The following BRCA2 variants were observed in gnomAD, a reference collection of about 807,000 sequenced individuals.
The protein encoded by BRCA2 is BRCA2 DNA repair associated.
BRCA2 carries 203 observed loss-of-function variants against 276.7 expected under a neutral mutation model. The observed-to-expected ratio is 0.73, with a 90% CI of 0.65 to 0.82. The LOEUF (loss-of-function observed/expected upper bound fraction) is 0.82, where lower values mean the gene tolerates loss of function less well. Ranked by LOEUF, BRCA2 falls within the 40% of genes least tolerant of loss-of-function variation. The pLI is 0.00. For missense variants in BRCA2, 3,920 were observed against 3,915.0 expected (o/e 1.00, Z -0.03); for synonymous variants, 1,289 against 1,338.4 (o/e 0.96, Z 0.81).
intron 11 of BRCA2, among the ~76,000 whole-genome samples, chr13:32,342,756 T>A (rs1018067496): frequency 1.3e-5 from 2 of 152,250 alleles, no homozygotes; most frequent in Admixed American, 1.3e-4. Flanking sequence ...GGTATTAAAA[T>A]CTTATGGGGC....
chr13:32,331,116 A>T (rs2137462768), intron 9 of BRCA2, 86 bp downstream of exon 9: 8 of 951,098 alleles, frequency 8.4e-6, no homozygotes, highest in Admixed American at 2.2e-5. Context: ...TTGCTCTGTC[A>T]CCCGTGATCT....
chr13:32,350,061 A>T (rs1301194798), intron 13 of BRCA2, among the ~76,000 whole-genome samples: 1 of 152,104 alleles, frequency 6.6e-6, no homozygotes, highest in Non-Finnish European at 1.5e-5. Flanking sequence ...GAACATAGAC[A>T]GCTAAGTTTT....
chr13:32,394,198 G>A (rs1238314963), intron 24 of BRCA2, among the ~76,000 whole-genome samples: 1 of 152,106 alleles, frequency 6.6e-6, no homozygotes, highest in African/African-American at 2.4e-5. Flanking sequence ...TCCTGTATAT[G>A]AGCTAATAAA....
intron 26 of BRCA2, 148 bp from the exon 27 acceptor site, chr13:32,398,014 C>T (rs2137661834): frequency 1.4e-6 from 1 of 731,114 alleles, no homozygotes; most frequent in Non-Finnish European, 2.2e-6. Context: ...ATAATGTGAA[C>T]TGAAATCACC....
At chr13:32,378,712 T>G (rs1161148310) in intron 21 of BRCA2, among the ~76,000 whole-genome samples, 1 of 152,228 alleles carries the variant, frequency 6.6e-6, no homozygotes, top group Non-Finnish European at 1.5e-5. Context: ...TTTGTTACAC[T>G]GGGTAAGATT....
intron 15 of BRCA2, among the ~76,000 whole-genome samples, chr13:32,357,181 A>T (rs769450207): frequency 1.3e-5 from 2 of 152,224 alleles, no homozygotes; most frequent in Non-Finnish European, 2.9e-5. Context: ...AAATGAGAGA[A>T]CTGAAGCATA....
chr13:32,342,492 G>A (rs1167378329), intron 11 of BRCA2, among the ~76,000 whole-genome samples: 4 of 152,084 alleles, frequency 2.6e-5, no homozygotes, highest in Non-Finnish European at 5.9e-5. Flanking sequence ...TTCAACTACA[G>A]TCATGTGTCA....
Position 32,379,820 on chromosome 13 carries a change from TTATCA to T in BRCA2, c.9026_9030del (p.Tyr3009SerfsTer7), listed in dbSNP as rs80359741. Reference sequence around the variant, plus strand: ...TAACAGAAGGAAAGAGATACAGAATTTATCATCTTGCAACTTCAAAATCTAAAAGT... The same window carrying T: ...TAACAGAAGGAAAGAGATACAGAATTTCTTGCAACTTCAAAATCTAAAAGT... On this transcript the variant is annotated frameshift_variant, in exon 23 of 27. Coordinates refer to ENST00000380152, the MANE Select transcript of BRCA2 (RefSeq NM_000059.4). LOFTEE classifies it high-confidence loss of function. 1 of 1,612,814 alleles carries T rather than the reference TTATCA, an allele frequency of 6.2e-7. No homozygotes were observed. The highest frequency in any genetic ancestry group is 1.7e-5 in the Admixed American group (1 of 60,006).
At chr13:32,347,168 C>T (rs994825017) in intron 13 of BRCA2, among the ~76,000 whole-genome samples, 9 of 151,780 alleles carry the variant, frequency 5.9e-5, no homozygotes, top group South Asian at 2.1e-4. Context: ...GAAATTGCTC[C>T]GAATCAGTTA....
At chr13:32,333,455 T>G (rs1467664299) in intron 10 of BRCA2, 68 bp downstream of exon 10, 2 of 1,505,834 alleles carry the variant, frequency 1.3e-6, no homozygotes, top group African/African-American at 2.8e-5. Context: ...CTTCTGTGTT[T>G]TTTTCTGCTT....
intron 24 of BRCA2, among the ~76,000 whole-genome samples, chr13:32,391,440 C>T (rs2072996167): frequency 6.6e-6 from 1 of 152,180 alleles, no homozygotes; most frequent in South Asian, 2.1e-4. Context: ...GGGGCATAGC[C>T]TTAAGCAAGA....
chr13:32,341,896 T>G (rs1173849873), intron 11 of BRCA2, among the ~76,000 whole-genome samples: 1 of 150,968 alleles, frequency 6.6e-6, no homozygotes, highest in African/African-American at 2.4e-5. Flanking sequence ...GGTTTCCGAT[T>G]ATACCATTTA....
rs1022291835 is a variant in BRCA2 at position 32,341,183 on chromosome 13, C to T, written c.6828C>T (p.Pro2276=). 6.2e-7 allele frequency: 1 copy of T among 1,613,836 alleles called. No individual in the cohort carries two copies. Among genetic ancestry groups the T allele is most frequent in the East Asian group, 2.2e-5 (1 of 44,800 alleles). The part of the protein sequence containing the change: ...NSRIGKRRGE[P]LILVGEPSIK... ...GAATTGGAAAAAGAAGAGGAGAGCC[C>T]CTTATCTTAGTGGGTAAGTGTTCAT... Residue 2276 remains proline, a synonymous_variant, in exon 11 of 27, where the codon CCC becomes CCT. Coordinates refer to ENST00000380152, the MANE Select transcript of BRCA2 (RefSeq NM_000059.4).
At chr13:32,364,516 A>G (rs1281041497) in intron 18 of BRCA2, among the ~76,000 whole-genome samples, 2 of 152,044 alleles carry the variant, frequency 1.3e-5, no homozygotes, top group Non-Finnish European at 2.9e-5. Flanking sequence ...CCTCTTCCCC[A>G]TCTTCCCTCT....
Position 32,346,869 on chromosome 13 carries a change from T to C in BRCA2, c.6980T>C (p.Leu2327Ser), listed in dbSNP as rs750917769. The change falls in exon 13 of 27, where the codon TTA becomes TCA. Residue 2327 changes from leucine (L) to serine (S), a missense_variant. Around this residue, in one of 2 missense-constraint regions of BRCA2, gnomAD observed 3,263 missense variants for 3,156.9 expected, o/e 1.03. Transcript: ENST00000380152. ...AGATTGTTTATGCATCATGTTTCTT[T>C]AGAGCCGATTACCTGTGTACCCTTT... ...DRRLFMHHVS[L>S]EPITCVPFRT... 2 of 1,610,640 alleles carry C rather than the reference T, an allele frequency of 1.2e-6. No individual in the cohort carries two copies. The highest frequency in any genetic ancestry group is 2.2e-5 in the East Asian group (1 of 44,692).
rs276174845 is a variant in BRCA2, at chr13:32,339,017, T to G, written c.4662T>G (p.Ser1554Arg). The G allele has an allele frequency of 3.1e-6, 5 of 1,613,952 alleles. No individual in the cohort carries two copies. Among genetic ancestry groups the G allele is most frequent in the Non-Finnish European group, 4.2e-6 (5 of 1,179,938 alleles). ...TTGATGAAAAAGAGCAAGGTACTAG[T>G]GAAATCACCAGTTTTAGCCATCAAT... is the stretch of plus-strand genomic sequence containing the variant. The part of the protein sequence containing the change: ...NLFDEKEQGT[S>R]EITSFSHQWA... Residue 1554 changes from serine to arginine, a missense_variant, in exon 11 of 27, where the codon AGT (serine) becomes AGG (arginine). Ser to Arg is a moderately radical substitution (Grantham distance 110). Transcript: ENST00000380152.
At position 32,379,808 on chromosome 13, in the gene BRCA2, G is replaced by A. The variant is rs748815473; in HGVS notation, c.9012G>A (p.Lys3004=). ...TATATTCTCTGTTAACAGAAGGAAA[G>A]AGATACAGAATTTATCATCTTGCAA... is the stretch of plus-strand genomic sequence containing the variant. ...SDLYSLLTEG[K]RYRIYHLATS... The change falls in exon 23 of 27, where the codon AAG becomes AAA. Residue 3004 remains lysine, a synonymous_variant. Coordinates refer to ENST00000380152, the MANE Select transcript of BRCA2 (RefSeq NM_000059.4). 7 of 1,612,282 alleles carry A rather than the reference G, an allele frequency of 4.3e-6. No individual in the cohort carries two copies. Among genetic ancestry groups the A allele is most frequent in the Non-Finnish European group, 4.2e-6 (5 of 1,178,496 alleles).
At position 32,376,649 on chromosome 13, in the gene BRCA2, A is replaced by G. The variant is rs1555288112; in HGVS notation, c.8633-21A>G. The stretch of plus-strand genomic sequence containing the variant: ...TTTGAATTTACAGTTTAGTGAATTA[A>G]TAATCCTTTTGTTTTCTTAGAAAAC... On this transcript the variant is annotated intron_variant, in intron 20 of 26. Transcript: ENST00000380152. 4 of 1,612,912 alleles carry G rather than the reference A, an allele frequency of 2.5e-6. No homozygotes were observed. Among genetic ancestry groups the G allele is most frequent in the Non-Finnish European group, 3.4e-6 (4 of 1,179,110 alleles).
chr13:32,386,089 C>A, intron 24 of BRCA2: 1 of 185,828 alleles, frequency 5.4e-6, no homozygotes, highest in Admixed American at 5.1e-5. Context: ...AGTTTTAGAA[C>A]TCTGTGGGAC....
Sources: allele counts gnomAD v4.1 joint callset (sites outside exome capture counted in the v4.1 genomes callset), GRCh38; gene constraint gnomAD v4.1.1; regional missense constraint gnomAD v4.1.1; transcripts MANE v1.5; gene names NCBI Gene and HGNC (gene_info 2026-07-23, HGNC 2026-07-21).